Variants in USP24 observed in about 807,000 individuals in gnomAD.
The protein encoded by USP24 is ubiquitin carboxyl-terminal hydrolase 24.
A neutral mutation model predicts 361.6 loss-of-function variants in USP24; 97 were observed. That is an observed-to-expected ratio of 0.27 (90% CI 0.23 to 0.32). USP24 has a LOEUF of 0.32. Ranked by LOEUF, USP24 falls within the 10% of genes least tolerant of loss-of-function variation. USP24 has a pLI of 1.00. For synonymous variants in USP24, 1,098 were observed against 1,124.6 expected, an observed-to-expected ratio of 0.98 and a Z score of 0.47; for missense variants, 2,353 against 3,165.6, an observed-to-expected ratio of 0.74 and a Z score of 6.16.
intron 1 of USP24, among the ~76,000 whole-genome samples, chr1:55,191,059 G>C (rs1644272026): frequency 6.6e-6 from 1 of 152,114 alleles, no homozygotes. Flanking sequence ...CAGTTGTTAG[G>C]AGATGCACAG....
At chr1:55,140,152 T>G (rs1250633064) in intron 24 of USP24, among the ~76,000 whole-genome samples, 1 of 152,128 alleles carries the variant, frequency 6.6e-6, no homozygotes, top group Non-Finnish European at 1.5e-5. Flanking sequence ...TATTTTAAAA[T>G]TATTATGTGG....
chr1:55,173,320 T>G (rs539374316), intron 3 of USP24, among the ~76,000 whole-genome samples: 1 of 152,350 alleles, frequency 6.6e-6, no homozygotes, highest in South Asian at 2.1e-4. Flanking sequence ...AACTGTTTAC[T>G]TTGTAGCTAT....
At chr1:55,086,444 G>T (rs752644692) in intron 55 of USP24, 15 of 183,812 alleles carry the variant, frequency 8.2e-5, no homozygotes, top group South Asian at 2.6e-4. Flanking sequence ...AAATGGCACA[G>T]CATACAAGGG....
rs181920113 is a variant in USP24 at position 55,160,393 on chromosome 1, A to C, written c.994-708T>G. Among the ~76,000 whole-genome samples, 114 of 152,318 alleles carry C rather than the reference A, an allele frequency of 7.5e-4. 1 individual carries two copies. Among genetic ancestry groups the C allele is most frequent in the African/African-American group, 2.6e-3 (109 of 41,582 alleles). ...TGTATAGGAAGGAGAGCGAGCTGTT[A>C]TGGTTAAGAGAGTCATAGTGCTCTT... On this transcript the variant is annotated intron_variant, in intron 8 of 67. Transcript: ENST00000294383.
intron 39 of USP24, among the ~76,000 whole-genome samples, chr1:55,109,592 G>GTGGA (rs1645892909): frequency 6.6e-6 from 1 of 151,772 alleles, no homozygotes; most frequent in Non-Finnish European, 1.5e-5. Flanking sequence ...TGCTATTTTT[G>GTGGA]TGGATCCTGA....
intron 64 of USP24, 56 bp from the exon 65 acceptor site, chr1:55,072,917 C>T (rs1644950310): frequency 6.7e-7 from 1 of 1,496,116 alleles, no homozygotes; most frequent in Non-Finnish European, 9.1e-7. Flanking sequence ...GTTCCTAGTG[C>T]TTCATTTTGA....
intron 34 of USP24, among the ~76,000 whole-genome samples, chr1:55,124,855 A>G (rs964283188): frequency 1.3e-4 from 20 of 152,006 alleles, no homozygotes; most frequent in Admixed American, 5.2e-4. Context: ...CGCTTTACCA[A>G]TTTTTTCACT....
chr1:55,159,496 G>A (rs1306315556), intron 9 of USP24, 115 bp downstream of exon 9: 6 of 816,976 alleles, frequency 7.3e-6, no homozygotes, highest in East Asian at 2.7e-5. Context: ...TTAATTCGAT[G>A]TGAATGCATG....
chr1:55,211,050 A>C (rs1644835085), intron 1 of USP24, among the ~76,000 whole-genome samples: 1 of 152,212 alleles, frequency 6.6e-6, no homozygotes, highest in African/African-American at 2.4e-5. Flanking sequence ...TGTGAGATGC[A>C]CAGGATACCT....
At chr1:55,201,980 G>A (rs893378606) in intron 1 of USP24, among the ~76,000 whole-genome samples, 20 of 152,114 alleles carry the variant, frequency 1.3e-4, no homozygotes, top group Admixed American at 3.9e-4. Flanking sequence ...CACACACAGT[G>A]CTATGGAATA....
intron 31 of USP24, among the ~76,000 whole-genome samples, chr1:55,130,737 T>C (rs113173412): frequency 1.8e-3 from 272 of 152,304 alleles, no homozygotes; most frequent in African/African-American, 6.0e-3. Flanking sequence ...TCATGCTTAA[T>C]GGACAACAAT....
At position 55,125,370 on chromosome 1, in the gene USP24, A is replaced by C. The variant is rs190374557; in HGVS notation, c.3910T>G (p.Ser1304Ala). The C allele has an allele frequency of 6.2e-7, 1 of 1,613,978 alleles. No individual in the cohort carries two copies. The highest frequency in any genetic ancestry group is 8.5e-7 in the Non-Finnish European group (1 of 1,179,886). The stretch of plus-strand genomic sequence containing the variant: ...ATGATTTCCTCAACCCTAATAGAAG[A>C]CCTATCAGACACGGACAACTGTCGG... ...SYRQLSVSDR[S>A]SIRVEEIIPA... The change falls in exon 34 of 68, where the codon TCT becomes GCT. Residue 1304 changes from serine (S) to alanine (A), a missense_variant. Physicochemically the swap from Ser to Ala is moderately conservative, Grantham distance 99 (BLOSUM62 1). This residue lies in a region of USP24 where 949 missense variants were observed against 1,280.5 expected (regional missense o/e 0.74). Transcript: ENST00000294383.
At position 55,115,533 on chromosome 1, in the gene USP24, G is replaced by T. The variant is rs900590342; in HGVS notation, c.4508+5063C>A. Among the ~76,000 whole-genome samples, 3 of 139,724 alleles carry T rather than the reference G, an allele frequency of 2.1e-5. 1 individual carries two copies. Among genetic ancestry groups the T allele is most frequent in the African/African-American group, 7.6e-5 (3 of 39,560 alleles). The allele number at this position is 139,724 out of a possible 152,430, so 91.7% of individuals were successfully genotyped here. ...AAAAAAAAAGGAAACAACAGATGCT[G>T]GAGAGGATATGGTGAAACACTTTTA... is the stretch of plus-strand genomic sequence containing the variant. On this transcript the variant is annotated intron_variant, in intron 38 of 67. Coordinates refer to ENST00000294383, the MANE Select transcript of USP24 (RefSeq NM_015306.3).
intron 38 of USP24, among the ~76,000 whole-genome samples, chr1:55,114,844 C>T (rs1180306579): frequency 1.3e-5 from 2 of 152,144 alleles, no homozygotes; most frequent in East Asian, 1.9e-4. Flanking sequence ...GCAAGGACTT[C>T]ATGACTAAAA....
chr1:55,157,485 T>G, intron 10 of USP24, 115 bp from the exon 11 acceptor site: 1 of 569,402 alleles, frequency 1.8e-6, no homozygotes, highest in Non-Finnish European at 2.9e-6. Flanking sequence ...CCAAAATATA[T>G]CAAAGGCCAG....
At position 55,206,275 on chromosome 1, in the gene USP24, A is replaced by G. The variant is rs994225547; in HGVS notation, c.324+8515T>C. Reference sequence around the variant, plus strand: ...ATCAATACACACATGCAAACACAGAAAATTTTTTAACTGAAATGTTTTACT... The same window carrying G: ...ATCAATACACACATGCAAACACAGAGAATTTTTTAACTGAAATGTTTTACT... On this transcript the variant is annotated intron_variant, in intron 1 of 67. Coordinates refer to ENST00000294383, the MANE Select transcript of USP24 (RefSeq NM_015306.3). Among the ~76,000 whole-genome samples, 3 of 152,224 alleles carry G rather than the reference A, an allele frequency of 2.0e-5. No individual in the cohort carries two copies. In the East Asian group the frequency reaches 5.8e-4, roughly 29 times the overall value.
chr1:55,148,106 TTG>T, intron 17 of USP24, among the ~76,000 whole-genome samples: 1 of 152,274 alleles, frequency 6.6e-6, no homozygotes, highest in African/African-American at 2.4e-5. Context: ...AGTCTATACA[TTG>T]AGGAAACTCT....
intron 1 of USP24, among the ~76,000 whole-genome samples, chr1:55,180,731 T>C (rs972805675): frequency 6.6e-6 from 1 of 152,220 alleles, no homozygotes; most frequent in African/African-American, 2.4e-5. Flanking sequence ...AGTTATCATA[T>C]ACCCTTACCA....
chr1:55,125,923 C>T (rs1045226775), intron 32 of USP24, among the ~76,000 whole-genome samples, 165 bp from the exon 33 acceptor site: 1 of 152,132 alleles, frequency 6.6e-6, no homozygotes, highest in Non-Finnish European at 1.5e-5. Context: ...CCTATGATAC[C>T]TATAAGCTTC....
Sources: allele counts gnomAD v4.1 joint callset (sites outside exome capture counted in the v4.1 genomes callset), GRCh38; gene constraint gnomAD v4.1.1; regional missense constraint gnomAD v4.1.1; transcripts MANE v1.5; gene names NCBI Gene and HGNC (gene_info 2026-07-23, HGNC 2026-07-21).